Variants in LAMC3 observed in about 807,000 individuals in gnomAD.
LAMC3 encodes the protein laminin subunit gamma 3, also known as laminin subunit gamma-3.
LAMC3 carries 128 observed loss-of-function variants against 173.8 expected under a neutral mutation model. The ratio of observed to expected loss-of-function variants is 0.74; its 90% confidence interval spans 0.64 to 0.85. The LOEUF (loss-of-function observed/expected upper bound fraction) is 0.85. Ranked by LOEUF, LAMC3 falls within the 40% of genes least tolerant of loss-of-function variation. The pLI, the probability that LAMC3 is intolerant of heterozygous loss-of-function variation, is 0.00. For missense variants in LAMC3, 2,022 were observed against 2,156.0 expected (o/e 0.94, Z 1.23); for synonymous variants, 897 against 909.1 (o/e 0.99, Z 0.24).
chr9:131,021,445 A>G (rs867829990), intron 1 of LAMC3: 1 of 152,118 alleles, frequency 6.6e-6, no homozygotes, highest in African/African-American at 2.4e-5. Context: ...GATAATAGCC[A>G]TCCTAATGGA....
At chr9:131,084,039 A>ATT (rs34293977) in intron 24 of LAMC3, among the ~76,000 whole-genome samples, 51,934 of 130,828 alleles carry the variant, frequency 0.4, 10,247 homozygotes, top group Middle Eastern at 0.42. Flanking sequence ...CACACCCGGC[A>ATT]TTTTTTTTTT....
intron 24 of LAMC3, among the ~76,000 whole-genome samples, chr9:131,083,306 C>A (rs529777892): frequency 1.3e-5 from 2 of 152,286 alleles, no homozygotes; most frequent in East Asian, 3.9e-4. Flanking sequence ...AATTTCCTTG[C>A]ACTGTTCCCA....
At chr9:131,081,655 A>T (rs1306309053) in intron 23 of LAMC3, among the ~76,000 whole-genome samples, 1 of 152,140 alleles carries the variant, frequency 6.6e-6, no homozygotes, top group Non-Finnish European at 1.5e-5. Context: ...ATAAATTTTT[A>T]GTAGAGACAG....
intron 9 of LAMC3, among the ~76,000 whole-genome samples, chr9:131,051,564 CA>C (rs1441044879): frequency 1.3e-5 from 2 of 151,962 alleles, no homozygotes; most frequent in African/African-American, 4.8e-5. Context: ...GGGGTTTCAC[CA>C]TCTTGGCCAG....
At chr9:131,046,956 G>T (rs370768562) in intron 8 of LAMC3, among the ~76,000 whole-genome samples, 2 of 152,082 alleles carry the variant, frequency 1.3e-5, no homozygotes, top group African/African-American at 4.8e-5. Context: ...TGCGCGGACC[G>T]GCGCCGCGTG....
In LAMC3 at chr9:131,093,368, C is replaced by T. The variant is rs2133360945; in HGVS notation, c.*1581C>T. 1 of 148,322 alleles carries T rather than the reference C, an allele frequency of 6.7e-6. No homozygotes were observed. Among genetic ancestry groups the T allele is most frequent in the East Asian group, 2.1e-4 (1 of 4,870 alleles). The allele number at this position is 148,322 out of a possible 1,614,324, so 9.2% of individuals were successfully genotyped here. ...TTCAGGCTCGAGACGAACTCACAGC[C>T]AAGTGTCCGAGGATGGTGAGGAGCA... is the stretch of plus-strand genomic sequence containing the variant. On this transcript the variant is annotated 3_prime_UTR_variant, in exon 28 of 28. Coordinates refer to ENST00000361069, the MANE Select transcript of LAMC3 (RefSeq NM_006059.4).
intron 1 of LAMC3, among the ~76,000 whole-genome samples, chr9:131,018,150 T>G (rs1833559105): frequency 6.6e-6 from 1 of 151,650 alleles, no homozygotes; most frequent in South Asian, 2.1e-4. Context: ...TTTTTTTTTT[T>G]TCTTGAGTTG....
intron 13 of LAMC3, among the ~76,000 whole-genome samples, chr9:131,062,104 T>C (rs1402300904): frequency 6.6e-6 from 1 of 152,178 alleles, no homozygotes. Context: ...GACTCATGCC[T>C]GTAATCCCAG....
At position 131,067,939 on chromosome 9, in the gene LAMC3, G is replaced by A. The variant is rs928570987; in HGVS notation, c.2594-139G>A. ...AGCTTGGCCCTGGAGCCTTTTTCCA[G>A]CAGTGGCGTCTGAATCTGGGCTGAA... On this transcript the variant is annotated intron_variant, in intron 14 of 27. Transcript: ENST00000361069. 48 of 929,662 alleles carry A rather than the reference G, an allele frequency of 5.2e-5. No individual in the cohort carries two copies. In the Admixed American group the frequency reaches 8.3e-4, roughly 16 times the overall value. The allele number at this position is 929,662 out of a possible 1,614,324, so 57.6% of individuals were successfully genotyped here.
intron 9 of LAMC3, among the ~76,000 whole-genome samples, chr9:131,051,445 A>C (rs879368377): frequency 1.4e-5 from 2 of 146,976 alleles, no homozygotes; most frequent in Non-Finnish European, 3.0e-5. Context: ...GCTCACTGCA[A>C]CCTCTGCCTT....
intron 1 of LAMC3, among the ~76,000 whole-genome samples, chr9:131,018,438 A>G (rs1312597031): frequency 6.6e-6 from 1 of 151,904 alleles, no homozygotes; most frequent in Non-Finnish European, 1.5e-5. Context: ...CCCGGCCCCC[A>G]AGATCTTTTA....
Position 131,072,667 on chromosome 9 carries a change from C to T in LAMC3, c.3249C>T (p.Leu1083=), listed in dbSNP as rs149240435. 1.6e-5 allele frequency: 26 copies of T among 1,611,178 alleles called. No individual in the cohort carries two copies. The African/African-American group carries it at 2.8e-4, about 17-fold the overall frequency. Reference sequence around the variant, plus strand: ...CCTTCCTGGAGCAGATGATGAGCCTCGAGGGTGCTGTCAAGGCCGCCCGGG... The same window carrying T: ...CCTTCCTGGAGCAGATGATGAGCCTTGAGGGTGCTGTCAAGGCCGCCCGGG... ...REAFLEQMMS[L]EGAVKAAREQ... The change falls in exon 19 of 28, where the codon CTC becomes CTT. Residue 1083 remains leucine (L), a synonymous_variant. Transcript: ENST00000361069.
At chr9:131,052,178 G>A (rs73658915) in intron 9 of LAMC3, among the ~76,000 whole-genome samples, 3,060 of 152,302 alleles carry the variant, frequency 0.02, 116 homozygotes, top group African/African-American at 0.07. Context: ...GGTCACACGT[G>A]TGTGTATCCC....
At chr9:131,072,560 C>G in intron 18 of LAMC3, 70 bp from the exon 19 acceptor site, 2 of 1,362,066 alleles carry the variant, frequency 1.5e-6, no homozygotes, top group South Asian at 2.5e-5. Flanking sequence ...AGAAGGGGAC[C>G]CCTGGGGGTG....
Position 131,009,540 on chromosome 9 carries a change from C to A in LAMC3, c.326C>A (p.Ala109Asp). ...ACCTGGTGGCAGAGCCCGTCCATGG[C>A]CTTCGGCGTGCAGTACCCCACCTCG... The part of the protein sequence containing the change: ...ESTWWQSPSM[A>D]FGVQYPTSVN... The change falls in exon 1 of 28, where the codon GCC becomes GAC. Residue 109 changes from alanine to aspartate, a missense_variant. Transcript: ENST00000361069. This position sits in a 1 kb window ranked among gnomAD's most constrained non-coding sequence, Gnocchi z 4.3. 1 of 1,565,950 alleles carries A rather than the reference C, an allele frequency of 6.4e-7. No homozygotes were observed. Among genetic ancestry groups the A allele is most frequent in the Non-Finnish European group, 8.7e-7 (1 of 1,155,862 alleles).
intron 27 of LAMC3, among the ~76,000 whole-genome samples, chr9:131,089,089 A>G (rs1159444762): frequency 6.7e-6 from 1 of 148,684 alleles, no homozygotes; most frequent in Non-Finnish European, 1.5e-5. Context: ...TCTCAAAAGA[A>G]GAACTTGCTT....
At position 131,077,183 on chromosome 9, in the gene LAMC3, C is replaced by T; in HGVS notation, c.3630-4C>T. 6.2e-7 allele frequency: 1 copy of T among 1,613,380 alleles called. No individual in the cohort carries two copies. On this transcript the variant is annotated splice_polypyrimidine_tract_variant and splice_region_variant and intron_variant, in intron 21 of 27. Coordinates refer to ENST00000361069, the MANE Select transcript of LAMC3 (RefSeq NM_006059.4). ...CCAGCTCCGTGGCCTCTGCTTCCTC[C>T]CAGGTACCAGGAGGTCCAGGCGGCC...
chr9:131,089,153 C>T (rs894620472), intron 27 of LAMC3, among the ~76,000 whole-genome samples: 5 of 124,396 alleles, frequency 4.0e-5, no homozygotes, highest in African/African-American at 1.6e-4. Flanking sequence ...GGGTGGGGAA[C>T]ATCACACACT....
intron 3 of LAMC3, among the ~76,000 whole-genome samples, chr9:131,033,770 G>A (rs3780277): frequency 0.12 from 18,081 of 152,116 alleles, 1,339 homozygotes; most frequent in Middle Eastern, 0.29. Flanking sequence ...CGCGACTGAG[G>A]ATGGAAACGC....
Sources: gnomAD v4.1 joint callset for allele counts (sites outside exome capture counted in the v4.1 genomes callset) on GRCh38, gnomAD v4.1.1 for gene constraint, Gnocchi (gnomAD v3.1) non-coding constraint, MANE v1.5 for transcripts, NCBI Gene and HGNC (gene_info 2026-07-23, HGNC 2026-07-21) for gene names.